FOXP2: variants seen among roughly 807,000 people sequenced by gnomAD.
FOXP2 encodes forkhead box P2.
A neutral mutation model predicts 115.8 loss-of-function variants in FOXP2; 12 were observed. The observed-to-expected ratio is 0.10, with a 90% confidence interval of 0.07 to 0.17. The LOEUF is 0.17. Among genes scored for constraint, FOXP2 ranks in the 10% least tolerant of loss-of-function variants. FOXP2 has a pLI of 1.00. For missense variants in FOXP2, 629 were observed against 843.5 expected (o/e 0.75, Z 3.15); for synonymous variants, 328 against 297.7 (o/e 1.10, Z -1.05).
chr7:114,508,185 C>A (rs1361831916), intron 2 of FOXP2, among the ~76,000 whole-genome samples: 1 of 151,766 alleles, frequency 6.6e-6, no homozygotes, highest in East Asian at 1.9e-4. Flanking sequence ...CTTTTTTCTG[C>A]TTAGAAAAAA....
chr7:114,574,304 T>C (rs1428548607), intron 3 of FOXP2, among the ~76,000 whole-genome samples: 1 of 151,822 alleles, frequency 6.6e-6, no homozygotes, highest in Non-Finnish European at 1.5e-5. Context: ...AAAAAAGCAT[T>C]AATTTCTGGC....
chr7:114,521,032 A>G (rs898733869), intron 2 of FOXP2, among the ~76,000 whole-genome samples: 1 of 152,134 alleles, frequency 6.6e-6, no homozygotes, highest in Non-Finnish European at 1.5e-5. Flanking sequence ...GTATTAAAGA[A>G]AATTGAGCTT....
intron 2 of FOXP2, among the ~76,000 whole-genome samples, chr7:114,405,275 A>G (rs1220039634): frequency 1.3e-5 from 2 of 151,926 alleles, no homozygotes; most frequent in African/African-American, 2.4e-5. Context: ...ACTCCTTATT[A>G]TAAAAGCAGT....
chr7:114,293,758 C>A (rs1258837188), intron 2 of FOXP2, among the ~76,000 whole-genome samples: 1 of 152,148 alleles, frequency 6.6e-6, no homozygotes, highest in Non-Finnish European at 1.5e-5. Flanking sequence ...GTGCCTTCTG[C>A]CACTATTGTA....
chr7:114,325,816 T>C (rs891531916), intron 2 of FOXP2, among the ~76,000 whole-genome samples: 2 of 152,054 alleles, frequency 1.3e-5, no homozygotes, highest in African/African-American at 4.8e-5. Flanking sequence ...AGGCAACATA[T>C]TCAGTTATCT....
intron 1 of FOXP2, among the ~76,000 whole-genome samples, chr7:114,171,692 G>A (rs906036279): frequency 6.6e-6 from 1 of 152,164 alleles, no homozygotes; most frequent in Non-Finnish European, 1.5e-5. Flanking sequence ...AGATCAAGGG[G>A]TAATTTCCAC....
chr7:114,424,657 C>T (rs976977282), intron 1 of FOXP2, among the ~76,000 whole-genome samples: 1 of 151,248 alleles, frequency 6.6e-6, no homozygotes, highest in Non-Finnish European at 1.5e-5. Flanking sequence ...CTTATAAAAT[C>T]CATCACTATG....
intron 1 of FOXP2, among the ~76,000 whole-genome samples, chr7:114,098,964 G>A (rs1410771810): frequency 6.6e-6 from 1 of 152,050 alleles, no homozygotes; most frequent in Non-Finnish European, 1.5e-5. Context: ...GTGAAACCAT[G>A]TCTCTAGAAA....
At chr7:114,323,951 T>C (rs1797491708) in intron 2 of FOXP2, among the ~76,000 whole-genome samples, 1 of 151,930 alleles carries the variant, frequency 6.6e-6, no homozygotes, top group African/African-American at 2.4e-5. Flanking sequence ...TCTTATTCTT[T>C]TTATTTTAAA....
rs532323095 is a variant in FOXP2 at position 114,140,170 on chromosome 7, A to G, written c.-246-22774A>G. ...GAGATCAAAATGTGCAATCCTGCAG[A>G]CTTTTGTTGTGCTTTTCTTCCACCT... On this transcript the variant is annotated intron_variant, in intron 1 of 19. Transcript: ENST00000635638. 2.6e-5 allele frequency among the ~76,000 whole-genome samples: 4 copies of G among 152,276 alleles called. No individual in the cohort carries two copies. The South Asian group carries it at 8.3e-4, about 32-fold the overall frequency.
intron 3 of FOXP2, among the ~76,000 whole-genome samples, chr7:114,563,609 C>T (rs1354297724): frequency 6.6e-6 from 1 of 152,150 alleles, no homozygotes; most frequent in Non-Finnish European, 1.5e-5. Flanking sequence ...TTTAGATGAC[C>T]TCACTGCCAG....
intron 1 of FOXP2, among the ~76,000 whole-genome samples, chr7:114,247,922 GAC>G (rs1361145900): frequency 6.6e-6 from 1 of 151,980 alleles, no homozygotes; most frequent in Non-Finnish European, 1.5e-5. Flanking sequence ...CGGATGTGCA[GAC>G]ACACACAGGC....
intron 2 of FOXP2, among the ~76,000 whole-genome samples, chr7:114,302,050 T>C (rs1217965274): frequency 6.6e-6 from 1 of 152,192 alleles, no homozygotes; most frequent in African/African-American, 2.4e-5. Context: ...GGCTGTTGAT[T>C]AGTAGAAGTC....
chr7:114,140,876 C>T (rs1792188734), intron 1 of FOXP2, among the ~76,000 whole-genome samples: 1 of 152,134 alleles, frequency 6.6e-6, no homozygotes, highest in Non-Finnish European at 1.5e-5. Flanking sequence ...GCATTTTGTT[C>T]TGTGATACAC....
At chr7:114,277,524 TA>T (rs965443991) in intron 1 of FOXP2, among the ~76,000 whole-genome samples, 24 of 151,850 alleles carry the variant, frequency 1.6e-4, no homozygotes, top group Admixed American at 5.9e-4. Context: ...TAAAGACCAT[TA>T]AAAAAAACCA....
intron 3 of FOXP2, among the ~76,000 whole-genome samples, chr7:114,593,883 A>C (rs1182072528): frequency 1.3e-5 from 2 of 152,034 alleles, no homozygotes; most frequent in East Asian, 3.8e-4. Flanking sequence ...ATAAATATTT[A>C]TTAGTTGATT....
intron 2 of FOXP2, among the ~76,000 whole-genome samples, chr7:114,391,632 G>A (rs1004869850): frequency 1.3e-5 from 2 of 152,132 alleles, no homozygotes; most frequent in African/African-American, 4.8e-5. Flanking sequence ...AGGTAGTAAT[G>A]GAACTCTCCA....
intron 2 of FOXP2, among the ~76,000 whole-genome samples, chr7:114,311,100 C>T (rs1797137863): frequency 6.6e-6 from 1 of 152,104 alleles, no homozygotes; most frequent in East Asian, 1.9e-4. Flanking sequence ...TATTAGGAGA[C>T]TGCCTTTCCC....
intron 1 of FOXP2, among the ~76,000 whole-genome samples, chr7:114,191,660 A>G (rs998291272): frequency 3.9e-5 from 6 of 152,206 alleles, no homozygotes; most frequent in Admixed American, 3.9e-4. Flanking sequence ...GTGATTTGTA[A>G]GTACAGAGTT....
Sources: allele counts gnomAD v4.1 joint callset (sites outside exome capture counted in the v4.1 genomes callset), GRCh38; gene constraint gnomAD v4.1.1; transcripts MANE v1.5; gene names NCBI Gene and HGNC (gene_info 2026-07-23, HGNC 2026-07-21).